The following CSMD1 variants were observed in gnomAD, a reference collection of about 807,000 sequenced individuals.
CSMD1 encodes the protein CUB and Sushi multiple domains 1.
A neutral mutation model predicts 417.5 loss-of-function variants in CSMD1; 213 were observed. The observed-to-expected ratio is 0.51, with a 90% CI of 0.46 to 0.57. CSMD1 has a LOEUF of 0.57. CSMD1 is among the 20% of genes least tolerant of loss of function. The pLI is 0.00. For synonymous variants in CSMD1, 2,862 were observed against 1,736.8 expected (o/e 1.65, Z -16.11); for missense variants, 6,923 against 4,529.7 (o/e 1.53, Z -15.17).
intron 26 of CSMD1, among the ~76,000 whole-genome samples, chr8:3,261,403 T>G (rs1428354663): frequency 6.6e-6 from 1 of 152,158 alleles, no homozygotes; most frequent in African/African-American, 2.4e-5. Context: ...ATAACAAATA[T>G]GGTGCAGTAT....
At chr8:4,925,160 GACA>G (rs1210691520) in intron 1 of CSMD1, among the ~76,000 whole-genome samples, 2 of 146,402 alleles carry the variant, frequency 1.4e-5, no homozygotes, top group African/African-American at 2.5e-5. Flanking sequence ...CACAAGGAAG[GACA>G]ACATCACTAT....
At chr8:4,607,101 T>C (rs1055620466) in intron 2 of CSMD1, among the ~76,000 whole-genome samples, 3 of 152,178 alleles carry the variant, frequency 2.0e-5, no homozygotes, top group African/African-American at 7.2e-5. Flanking sequence ...ACTCAAGTAA[T>C]ATTTATTGTG....
At chr8:4,339,861 A>C (rs1324529698) in intron 3 of CSMD1, among the ~76,000 whole-genome samples, 1 of 152,154 alleles carries the variant, frequency 6.6e-6, no homozygotes, top group East Asian at 1.9e-4. Flanking sequence ...TCATCTCTAC[A>C]AAAACTTAAA....
chr8:4,025,304 A>C (rs1382359700), intron 4 of CSMD1, among the ~76,000 whole-genome samples: 1 of 152,176 alleles, frequency 6.6e-6, no homozygotes, highest in African/African-American at 2.4e-5. Flanking sequence ...CACACAGTGG[A>C]CCATCTTTCA....
At chr8:3,210,634 A>G (rs1797551599) in intron 30 of CSMD1, among the ~76,000 whole-genome samples, 1 of 148,662 alleles carries the variant, frequency 6.7e-6, no homozygotes, top group South Asian at 2.1e-4. Flanking sequence ...ATATATATAT[A>G]AAGTGTATAT....
intron 7 of CSMD1, among the ~76,000 whole-genome samples, chr8:3,646,726 C>G (rs981958865): frequency 2.6e-5 from 4 of 152,110 alleles, no homozygotes; most frequent in African/African-American, 4.8e-5. Flanking sequence ...GACCTGGCTC[C>G]GGTGCCTCCT....
At chr8:3,589,624 A>G (rs1800759520) in intron 8 of CSMD1, among the ~76,000 whole-genome samples, 1 of 152,078 alleles carries the variant, frequency 6.6e-6, no homozygotes, top group African/African-American at 2.4e-5. Flanking sequence ...TGGAGGAAGG[A>G]GAGGAAACAA....
chr8:3,288,584 C>T (rs149633108), intron 25 of CSMD1, among the ~76,000 whole-genome samples: 6,850 of 147,394 alleles, frequency 0.046, 334 homozygotes, highest in Non-Finnish European at 0.067. Flanking sequence ...AGTTTATTTG[C>T]ATAGAGGTGT....
chr8:4,102,045 C>G (rs990362645), intron 3 of CSMD1, among the ~76,000 whole-genome samples: 1 of 152,176 alleles, frequency 6.6e-6, no homozygotes, highest in African/African-American at 2.4e-5. Context: ...AATCCCAAGT[C>G]AGTCTTCTGA....
chr8:4,598,417 G>T (rs117906435), intron 2 of CSMD1, among the ~76,000 whole-genome samples: 5 of 152,172 alleles, frequency 3.3e-5, no homozygotes, highest in African/African-American at 1.2e-4. Flanking sequence ...ATAAGGTCAT[G>T]GAAATCACTG....
intron 5 of CSMD1, among the ~76,000 whole-genome samples, chr8:3,893,218 C>G (rs963716993): frequency 1.3e-5 from 2 of 150,766 alleles, no homozygotes; most frequent in Admixed American, 6.6e-5. Context: ...GACTAGAAAC[C>G]TCTTAAAACA....
intron 1 of CSMD1, among the ~76,000 whole-genome samples, chr8:4,957,908 T>A (rs142768025): frequency 6.6e-6 from 1 of 152,220 alleles, no homozygotes; most frequent in Non-Finnish European, 1.5e-5. Context: ...CTGGTGTCTG[T>A]AAGGAGAAGT....
At chr8:4,094,825 C>A (rs1800915202) in intron 3 of CSMD1, among the ~76,000 whole-genome samples, 1 of 152,000 alleles carries the variant, frequency 6.6e-6, no homozygotes, top group African/African-American at 2.4e-5. Context: ...AAACGCTTAT[C>A]AAGGAAATAA....
intron 1 of CSMD1, among the ~76,000 whole-genome samples, chr8:4,881,286 C>T (rs1803379697): frequency 6.6e-6 from 1 of 152,028 alleles, no homozygotes; most frequent in African/African-American, 2.4e-5. Flanking sequence ...AGACTGTGCC[C>T]TCTACAAGGA....
At chr8:3,696,002 G>A (rs1369578791) in intron 7 of CSMD1, among the ~76,000 whole-genome samples, 1 of 152,112 alleles carries the variant, frequency 6.6e-6, no homozygotes, top group African/African-American at 2.4e-5. Context: ...TTAGAAATAT[G>A]ACTTGTGGAA....
intron 5 of CSMD1, among the ~76,000 whole-genome samples, chr8:3,922,502 C>A (rs1226319075): frequency 6.6e-6 from 1 of 151,960 alleles, no homozygotes; most frequent in South Asian, 2.1e-4. Flanking sequence ...TTTTTGTATT[C>A]ATAGGCTTTG....
Position 4,797,137 on chromosome 8 carries a change from G to A in CSMD1, c.86-159579C>T, listed in dbSNP as rs777546265. On this transcript the variant is annotated intron_variant, in intron 1 of 69. Transcript: ENST00000635120. ...AGATGTGATTGCAGAGGCCATGGAAGAAATGAGACAAACCCAGGCAGCAGC... is the reference window on the plus strand; with the variant it reads ...AGATGTGATTGCAGAGGCCATGGAAAAAATGAGACAAACCCAGGCAGCAGC... Among the ~76,000 whole-genome samples the A allele has an allele frequency of 9.8e-5, 15 of 152,332 alleles. No individual in the cohort carries two copies. The East Asian group carries it at 2.1e-3, about 22-fold the overall frequency.
Position 3,821,435 on chromosome 8 carries a change from G to A in CSMD1, c.819-67393C>T, listed in dbSNP as rs146364082. 4.4e-4 allele frequency among the ~76,000 whole-genome samples: 67 copies of A among 152,244 alleles called. No homozygotes were observed. The East Asian group carries it at 0.011, about 25-fold the overall frequency. Reference sequence around the variant, plus strand: ...TGTGGATTATGCATTCTGCTATGACGCATAATTATATGGCTACAATGCCAC... The same window carrying A: ...TGTGGATTATGCATTCTGCTATGACACATAATTATATGGCTACAATGCCAC... On this transcript the variant is annotated intron_variant, in intron 5 of 69. Transcript: ENST00000635120.
At chr8:3,078,200 TG>T (rs1813827751) in intron 49 of CSMD1, among the ~76,000 whole-genome samples, 1 of 152,228 alleles carries the variant, frequency 6.6e-6, no homozygotes, top group Non-Finnish European at 1.5e-5. Context: ...TACAGTTCCT[TG>T]TGCAGAAAGG....
Sources: allele counts gnomAD v4.1 joint callset (sites outside exome capture counted in the v4.1 genomes callset), GRCh38; gene constraint gnomAD v4.1.1; transcripts MANE v1.5; gene names NCBI Gene and HGNC (gene_info 2026-07-23, HGNC 2026-07-21).